Variants in ABCB7 observed in about 807,000 individuals in gnomAD.
ABCB7 encodes the protein ATP binding cassette subfamily B member 7.
In ABCB7, 7 loss-of-function variants were observed where a neutral mutation model predicts 54.4. That is an observed-to-expected ratio of 0.13 (90% CI 0.07 to 0.24). The LOEUF is 0.24. Among genes scored for constraint, ABCB7 ranks in the 10% least tolerant of loss-of-function variants. The pLI, the probability that ABCB7 is intolerant of heterozygous loss-of-function variation, is 1.00. For missense variants in ABCB7, 356 were observed against 570.4 expected (o/e 0.62, Z 3.83); for synonymous variants, 218 against 207.1 (o/e 1.05, Z -0.45).
chrX:75,136,896 T>C lies in ABCB7; in HGVS notation c.168+19209A>G, dbSNP rs1346721511. Among the ~76,000 whole-genome samples the C allele has an allele frequency of 1.4e-4, 16 of 112,211 alleles. No homozygotes were observed. The Admixed American group carries it at 1.5e-3, about 11-fold the overall frequency. ...TGACAAATATAAATTCAACATCAAT[T>C]AAAGACTTAAACGTAAAACCCAAAA... On this transcript the variant is annotated intron_variant, in intron 1 of 15. Coordinates refer to ENST00000373394, the MANE Select transcript of ABCB7 (RefSeq NM_001271696.3).
intron 13 of ABCB7, among the ~76,000 whole-genome samples, chrX:75,064,774 G>T (rs1368642177): frequency 9.1e-6 from 1 of 110,425 alleles, no homozygotes; most frequent in Non-Finnish European, 1.9e-5. Flanking sequence ...TTATCATGAA[G>T]ATTGTAGATA....
chrX:75,141,060 T>G (rs1410342204), intron 1 of ABCB7, among the ~76,000 whole-genome samples: 2 of 111,729 alleles, frequency 1.8e-5, no homozygotes, highest in East Asian at 5.6e-4. Context: ...TAAAGTCACC[T>G]CTTGTCAATA....
At chrX:75,115,062 G>T (rs2081797646) in intron 1 of ABCB7, among the ~76,000 whole-genome samples, 2 of 109,623 alleles carry the variant, frequency 1.8e-5, no homozygotes, top group South Asian at 4.0e-4. Context: ...GAGGTCTGGA[G>T]ATCGAGACCA....
chrX:75,125,103 T>C (rs1271391069), intron 1 of ABCB7, among the ~76,000 whole-genome samples: 2 of 111,715 alleles, frequency 1.8e-5, no homozygotes, highest in African/African-American at 6.5e-5. Flanking sequence ...GGTGATTAAA[T>C]TACCTCGAAA....
chrX:75,144,651 C>A (rs2082078966), intron 1 of ABCB7, among the ~76,000 whole-genome samples: 1 of 104,833 alleles, frequency 9.5e-6, no homozygotes. Flanking sequence ...ATTTTCTAAT[C>A]TTTCAGTAGT....
intron 1 of ABCB7, among the ~76,000 whole-genome samples, chrX:75,152,014 C>T (rs765090809): frequency 3.6e-5 from 4 of 111,686 alleles, no homozygotes; most frequent in Admixed American, 9.5e-5. Context: ...AATTAAAAGC[C>T]GTGTTGAAAT....
chrX:75,109,982 C>A (rs1378454336), intron 3 of ABCB7, among the ~76,000 whole-genome samples: 1 of 111,826 alleles, frequency 8.9e-6, no homozygotes, highest in East Asian at 2.8e-4. Flanking sequence ...TGGAGAGATA[C>A]ATATAGTGAA....
At chrX:75,127,612 G>A (rs1399468203) in intron 1 of ABCB7, among the ~76,000 whole-genome samples, 1 of 111,740 alleles carries the variant, frequency 8.9e-6, no homozygotes, top group Non-Finnish European at 1.9e-5. Flanking sequence ...AAGAGAGGTA[G>A]TCAAATTGTC....
rs998925700 is a variant in ABCB7 at position 75,115,795 on chromosome X, G to T, written c.169-964C>A. On this transcript the variant is annotated intron_variant, in intron 1 of 15. Coordinates refer to ENST00000373394, the MANE Select transcript of ABCB7 (RefSeq NM_001271696.3). ...CTGGTTGTGTGTGTGTTGGGGGGGG[G>T]GGCACGGGGCAGAATTAGACATGCC... is the stretch of plus-strand genomic sequence containing the variant. Among the ~76,000 whole-genome samples, 3 of 107,396 alleles carry T rather than the reference G, an allele frequency of 2.8e-5. No homozygotes were observed. The East Asian group carries it at 8.8e-4, about 32-fold the overall frequency. The allele number at this position is 107,396 out of a possible 115,157, so 93.3% of individuals were successfully genotyped here.
At chrX:75,115,784 G>GTT (rs1365711860) in intron 1 of ABCB7, among the ~76,000 whole-genome samples, 2 of 101,635 alleles carry the variant, frequency 2.0e-5, no homozygotes, top group African/African-American at 7.7e-5. Context: ...TTGTGTGTGT[G>GTT]TTGGGGGGGG....
chrX:75,116,084 T>G (rs895883835), intron 1 of ABCB7, among the ~76,000 whole-genome samples: 7 of 111,945 alleles, frequency 6.3e-5, no homozygotes, highest in Non-Finnish European at 9.4e-5. Context: ...GAGAATCTCC[T>G]TCCCTTATTA....
At chrX:75,059,898 C>T (rs751835754) in intron 15 of ABCB7, among the ~76,000 whole-genome samples, 10 of 111,758 alleles carry the variant, frequency 8.9e-5, no homozygotes. Context: ...AGCAAAGACA[C>T]CAAGCAAAGA....
intron 1 of ABCB7, among the ~76,000 whole-genome samples, chrX:75,120,115 C>T (rs2081862121): frequency 8.9e-6 from 1 of 111,898 alleles, no homozygotes; most frequent in African/African-American, 3.2e-5. Flanking sequence ...GCTTAAAATG[C>T]TGCTGATCCT....
intron 12 of ABCB7, among the ~76,000 whole-genome samples, chrX:75,066,301 A>T (rs2081317584): frequency 9.0e-6 from 1 of 111,347 alleles, no homozygotes; most frequent in South Asian, 3.7e-4. Flanking sequence ...CAGACCAAAA[A>T]TTTCATATAT....
At chrX:75,135,796 A>G (rs985010253) in intron 1 of ABCB7, among the ~76,000 whole-genome samples, 2 of 111,612 alleles carry the variant, frequency 1.8e-5, no homozygotes, top group Non-Finnish European at 3.8e-5. Flanking sequence ...ATGTTAAAAA[A>G]CCATCAACAA....
chrX:75,114,121 T>C (rs2081787406), intron 2 of ABCB7, among the ~76,000 whole-genome samples: 1 of 112,235 alleles, frequency 8.9e-6, no homozygotes, highest in Admixed American at 9.5e-5. Context: ...ATGTAATTCA[T>C]TTCTACAGCC....
At chrX:75,058,121 C>T (rs965598046) in intron 15 of ABCB7, among the ~76,000 whole-genome samples, 8 of 111,585 alleles carry the variant, frequency 7.2e-5, no homozygotes, top group African/African-American at 2.3e-4. Flanking sequence ...AATTCTGTTA[C>T]TTTCAACCTC....
In ABCB7 at chrX:75,051,806, A is replaced by T. The variant is rs2081197692; in HGVS notation, c.*1564T>A. 8.9e-6 allele frequency: 1 copy of T among 112,639 alleles called. No homozygotes were observed. 9.3% of individuals were successfully genotyped at this position (112,639 alleles called of 1,213,427 possible). On this transcript the variant is annotated 3_prime_UTR_variant, in exon 16 of 16. Coordinates refer to ENST00000373394, the MANE Select transcript of ABCB7 (RefSeq NM_001271696.3). ...CTAAATGTTAATATTTTTTAAATGG[A>T]CACTGATTTATACACGTGTGAGCAT... is the stretch of plus-strand genomic sequence containing the variant.
intron 4 of ABCB7, among the ~76,000 whole-genome samples, chrX:75,092,967 A>C (rs894798006): frequency 8.9e-6 from 1 of 111,972 alleles, no homozygotes. Flanking sequence ...GCTTGTAGGA[A>C]TGTAGAATGG....
Sources: allele counts gnomAD v4.1 joint callset (sites outside exome capture counted in the v4.1 genomes callset), GRCh38; gene constraint gnomAD v4.1.1; transcripts MANE v1.5; gene names NCBI Gene and HGNC (gene_info 2026-07-23, HGNC 2026-07-21).